The following JARID2 variants were observed in gnomAD, a reference collection of about 807,000 sequenced individuals.
The protein encoded by JARID2 is protein Jumonji.
JARID2 carries 21 observed loss-of-function variants against 125.6 expected under a neutral mutation model. The observed-to-expected ratio is 0.17, with a 90% CI of 0.12 to 0.24. The LOEUF (loss-of-function observed/expected upper bound fraction) is 0.24, where lower values mean the gene tolerates loss of function less well. Ranked by LOEUF, JARID2 falls within the 10% of genes least tolerant of loss-of-function variation. JARID2 has a pLI of 1.00. For synonymous variants in JARID2, 736 were observed against 661.6 expected (o/e 1.11, Z -1.73); for missense variants, 1,303 against 1,639.6 (o/e 0.79, Z 3.55).
chr6:15,296,270 T>C (rs1212082424), intron 1 of JARID2, among the ~76,000 whole-genome samples: 1 of 152,208 alleles, frequency 6.6e-6, no homozygotes, highest in Admixed American at 6.5e-5. Flanking sequence ...GTAGCGTGCA[T>C]TCTAATAGAA....
At chr6:15,406,868 G>A (rs536068370) in intron 2 of JARID2, among the ~76,000 whole-genome samples, 1 of 152,052 alleles carries the variant, frequency 6.6e-6, no homozygotes, top group Non-Finnish European at 1.5e-5. Context: ...TTTCCAACCT[G>A]TTAACTTTTT....
In JARID2 at chr6:15,246,155, G is replaced by T. The variant is rs983171342; in HGVS notation, c.-385G>T. On this transcript the variant is annotated 5_prime_UTR_variant, in exon 1 of 18. Coordinates refer to ENST00000341776, the MANE Select transcript of JARID2 (RefSeq NM_004973.4). ...TTTATCTTTCCCTTTTCTTTTCCAA[G>T]ATGTAACTACGGATCAGACACTAAG... 9.6e-6 allele frequency: 4 copies of T among 415,258 alleles called. No individual in the cohort carries two copies. The highest frequency in any genetic ancestry group is 1.7e-5 in the Non-Finnish European group (4 of 236,626). The allele number at this position is 415,258 out of a possible 1,614,324, so 25.7% of individuals were successfully genotyped here. A position where few individuals can be genotyped will look rare whatever the true frequency, so the allele number is the denominator to read the frequency against.
chr6:15,468,952 C>A (rs1251623459), intron 5 of JARID2, among the ~76,000 whole-genome samples: 1 of 152,088 alleles, frequency 6.6e-6, no homozygotes, highest in East Asian at 1.9e-4. Context: ...TCTATAAGAG[C>A]TGTAGATAAA....
At chr6:15,446,246 C>T (rs190763540) in intron 3 of JARID2, among the ~76,000 whole-genome samples, 5 of 152,308 alleles carry the variant, frequency 3.3e-5, no homozygotes, top group Admixed American at 3.3e-4. Flanking sequence ...CTTGGTAAGG[C>T]CTGTATATAG....
At chr6:15,252,990 C>T (rs531805115) in intron 1 of JARID2, among the ~76,000 whole-genome samples, 79 of 152,258 alleles carry the variant, frequency 5.2e-4, no homozygotes, top group Non-Finnish European at 1.0e-3. Context: ...TTCTCATTAT[C>T]CTTCTAGGTT....
chr6:15,489,415 G>A (rs1770039128), intron 6 of JARID2, among the ~76,000 whole-genome samples: 2 of 152,200 alleles, frequency 1.3e-5, no homozygotes, highest in South Asian at 2.1e-4. Flanking sequence ...TCTCATGCAC[G>A]GACAGACACG....
intron 1 of JARID2, among the ~76,000 whole-genome samples, chr6:15,247,172 G>T (rs1032438934): frequency 6.6e-6 from 1 of 152,144 alleles, no homozygotes; most frequent in Non-Finnish European, 1.5e-5. Context: ...TAATAATGAG[G>T]CTGGTTTTGT....
At chr6:15,406,364 G>C (rs1304155642) in intron 2 of JARID2, among the ~76,000 whole-genome samples, 2 of 152,220 alleles carry the variant, frequency 1.3e-5, no homozygotes, top group Non-Finnish European at 2.9e-5. Context: ...AACCTGGGAG[G>C]CGGAGGTTGC....
Position 15,509,401 on chromosome 6 carries a change from G to A in JARID2, c.2846+947G>A, listed in dbSNP as rs1008445163. The A allele has an allele frequency of 5.7e-5, 56 of 979,076 alleles. 1 individual carries two copies. The highest frequency in any genetic ancestry group is 6.2e-5 in the Admixed American group (1 of 16,258). 60.6% of individuals were successfully genotyped at this position (979,076 alleles called of 1,614,324 possible). On this transcript the variant is annotated intron_variant, in intron 12 of 17. Transcript: ENST00000341776. Reference sequence around the variant, plus strand: ...GTTCTCCCTCTTTGGAGCCAGCGTCGGCTGCAGCCTCCTCATTTTGGCTGT... The same window carrying A: ...GTTCTCCCTCTTTGGAGCCAGCGTCAGCTGCAGCCTCCTCATTTTGGCTGT...
chr6:15,347,721 T>C (rs984957380), intron 1 of JARID2, among the ~76,000 whole-genome samples: 6 of 152,148 alleles, frequency 3.9e-5, no homozygotes, highest in African/African-American at 1.4e-4. Context: ...CAAGGAAGTA[T>C]ATTCATTTAT....
chr6:15,329,666 T>G (rs1228085905), intron 1 of JARID2, among the ~76,000 whole-genome samples: 1 of 152,248 alleles, frequency 6.6e-6, no homozygotes, highest in Non-Finnish European at 1.5e-5. Flanking sequence ...GGATTTTATC[T>G]TCCCATTTCT....
intron 1 of JARID2, among the ~76,000 whole-genome samples, chr6:15,321,879 G>A (rs1010973777): frequency 2.0e-4 from 25 of 125,140 alleles, no homozygotes; most frequent in African/African-American, 4.3e-4. Context: ...TGCAAACTTC[G>A]CCTTCCGGGT....
intron 1 of JARID2, among the ~76,000 whole-genome samples, chr6:15,326,149 C>T (rs1383651425): frequency 1.3e-5 from 2 of 152,106 alleles, no homozygotes; most frequent in African/African-American, 4.8e-5. Flanking sequence ...CTCCTAATTG[C>T]AGAAGTATCA....
intron 16 of JARID2, among the ~76,000 whole-genome samples, chr6:15,514,275 C>T (rs1011662871): frequency 6.6e-6 from 1 of 152,242 alleles, no homozygotes; most frequent in Non-Finnish European, 1.5e-5. Context: ...CAGATGGCTC[C>T]ACAGCACTAC....
At chr6:15,517,440 A>G (rs1204885479) in intron 17 of JARID2, among the ~76,000 whole-genome samples, 172 bp downstream of exon 17, 1 of 152,152 alleles carries the variant, frequency 6.6e-6, no homozygotes, top group Non-Finnish European at 1.5e-5. Context: ...CCATGTTAGG[A>G]TCCCAGGGGG....
intron 1 of JARID2, among the ~76,000 whole-genome samples, chr6:15,353,297 T>C (rs1205830620): frequency 2.0e-5 from 3 of 152,350 alleles, no homozygotes; most frequent in African/African-American, 7.2e-5. Flanking sequence ...ACTAATGATA[T>C]TGAGCATGTT....
rs189030773 is a variant in JARID2, at chr6:15,456,604, G to A, written c.493+4429G>A. 2.8e-3 allele frequency among the ~76,000 whole-genome samples: 423 copies of A among 151,598 alleles called. 3 individuals are homozygous for A. The highest frequency in any genetic ancestry group is 9.5e-3 in the African/African-American group (392 of 41,332). On this transcript the variant is annotated intron_variant, in intron 4 of 17. Transcript: ENST00000341776. Reference sequence around the variant, plus strand: ...TTTAAAATACCATTTTTTTTTCCCGGGAGGATAAGTGTGTTTACCTGATCT... The same window carrying A: ...TTTAAAATACCATTTTTTTTTCCCGAGAGGATAAGTGTGTTTACCTGATCT...
intron 1 of JARID2, among the ~76,000 whole-genome samples, chr6:15,307,241 CAAA>C (rs1211242828): frequency 3.3e-5 from 5 of 151,598 alleles, no homozygotes; most frequent in Admixed American, 6.6e-5. Context: ...GACTGTGTCT[CAAA>C]GAAGAAGAAA....
intron 1 of JARID2, among the ~76,000 whole-genome samples, chr6:15,333,601 T>C (rs1762787130): frequency 6.6e-6 from 1 of 152,240 alleles, no homozygotes; most frequent in South Asian, 2.1e-4. Flanking sequence ...ATTTTAACCA[T>C]TTTTTGTGTG....
Sources: allele counts gnomAD v4.1 joint callset (sites outside exome capture counted in the v4.1 genomes callset), GRCh38; gene constraint gnomAD v4.1.1; transcripts MANE v1.5; gene names NCBI Gene and HGNC (gene_info 2026-07-23, HGNC 2026-07-21).